RPL39L: variants seen among roughly 807,000 people sequenced by gnomAD.
RPL39L encodes the protein ribosomal protein L39 like.
For synonymous variants in RPL39L, 16 were observed against 20.1 expected (o/e 0.80, Z 0.55); for missense variants, 48 against 58.9 (o/e 0.81, Z 0.61).
At chr3:187,124,484 T>C (rs1720365727) in intron 2 of RPL39L, among the ~76,000 whole-genome samples, 1 of 152,214 alleles carries the variant, frequency 6.6e-6, no homozygotes, top group Non-Finnish European at 1.5e-5. Context: ...TACTTGGCCA[T>C]TTAACTGGCG....
In RPL39L at chr3:187,135,942, T is replaced by C. The variant is rs1046768860; in HGVS notation, c.-93+3271A>G. ...AGAGATGCCAGGTTCTTTTGAACAATTGGCACTCATGTGAACTAACAGACT... is the reference window on the plus strand; with the variant it reads ...AGAGATGCCAGGTTCTTTTGAACAACTGGCACTCATGTGAACTAACAGACT... On this transcript the variant is annotated intron_variant, in intron 1 of 2. Coordinates refer to ENST00000296277, the MANE Select transcript of RPL39L (RefSeq NM_052969.3). 1.1e-4 allele frequency among the ~76,000 whole-genome samples: 16 copies of C among 152,332 alleles called. 1 individual carries two copies. The highest frequency in any genetic ancestry group is 4.1e-4 in the South Asian group (2 of 4,832).
chr3:187,130,376 C>T (rs892670173), intron 1 of RPL39L, among the ~76,000 whole-genome samples: 10 of 152,214 alleles, frequency 6.6e-5, no homozygotes, highest in African/African-American at 2.4e-4. Flanking sequence ...TTGTAATCCC[C>T]AATGCTGGAG....
At chr3:187,124,159 A>G (rs180968753) in intron 2 of RPL39L, among the ~76,000 whole-genome samples, 259 of 152,308 alleles carry the variant, frequency 1.7e-3, no homozygotes, top group Non-Finnish European at 3.2e-3. Context: ...GACCTCAAGG[A>G]GTTCAATTTT....
chr3:187,137,255 C>A (rs1427037113), intron 1 of RPL39L, among the ~76,000 whole-genome samples: 1 of 144,720 alleles, frequency 6.9e-6, no homozygotes, highest in Non-Finnish European at 1.5e-5. Flanking sequence ...CACCTGTAAT[C>A]CCAGCATTTT....
chr3:187,135,901 C>T (rs151225206), intron 1 of RPL39L, among the ~76,000 whole-genome samples: 2 of 152,320 alleles, frequency 1.3e-5, no homozygotes, highest in African/African-American at 4.8e-5. Flanking sequence ...TGCCGCATGG[C>T]GAGAGACAGA....
chr3:187,125,606 G>C (rs1259917565), intron 2 of RPL39L, among the ~76,000 whole-genome samples: 1 of 151,476 alleles, frequency 6.6e-6, no homozygotes, highest in Admixed American at 6.6e-5. Context: ...GTTACAGTGA[G>C]ATACTAGATC....
chr3:187,135,102 A>G (rs1720551718), intron 1 of RPL39L, among the ~76,000 whole-genome samples: 1 of 152,244 alleles, frequency 6.6e-6, no homozygotes, highest in Non-Finnish European at 1.5e-5. Context: ...AAGAAATTAC[A>G]TGGCTGTGTG....
intron 2 of RPL39L, among the ~76,000 whole-genome samples, chr3:187,127,459 GTTAC>G (rs1720417716): frequency 6.6e-6 from 1 of 152,212 alleles, no homozygotes; most frequent in African/African-American, 2.4e-5. Flanking sequence ...GAGAAGGGCT[GTTAC>G]TTAGAAGCAA....
chr3:187,128,885 C>T (rs543306596), intron 1 of RPL39L, among the ~76,000 whole-genome samples: 107 of 152,300 alleles, frequency 7.0e-4, no homozygotes, highest in African/African-American at 2.0e-3. Context: ...ATACGTCCAA[C>T]GTCCATTTAT....
Position 187,127,671 on chromosome 3 carries a change from C to T in RPL39L, c.-29+328G>A, listed in dbSNP as rs115821196. ...AATCCTGTCTACCATCATCCCACCA[C>T]CTTCATTTATAATCAGTGCCTAAAG... On this transcript the variant is annotated intron_variant, in intron 2 of 2. Coordinates refer to ENST00000296277, the MANE Select transcript of RPL39L (RefSeq NM_052969.3). 7.2e-3 allele frequency among the ~76,000 whole-genome samples: 1,101 copies of T among 152,314 alleles called. 10 individuals are homozygous for T. The highest frequency in any genetic ancestry group is 0.025 in the African/African-American group (1,051 of 41,560).
chr3:187,125,399 G>GTAAC (rs1459531098), intron 2 of RPL39L, among the ~76,000 whole-genome samples: 2 of 152,146 alleles, frequency 1.3e-5, no homozygotes, highest in African/African-American at 4.8e-5. Context: ...AACTTGCCTT[G>GTAAC]TAACTTAAGA....
chr3:187,134,518 C>CAAAAAAAAAAAAAAAAAAA (rs1720542217), intron 1 of RPL39L, among the ~76,000 whole-genome samples: 1 of 139,276 alleles, frequency 7.2e-6, no homozygotes, highest in African/African-American at 3.1e-5. Flanking sequence ...CACAAATTAC[C>CAAAAAAAAAAAAAAAAAAA]AACATCTGCA....
chr3:187,135,492 T>C (rs1370588982), intron 1 of RPL39L, among the ~76,000 whole-genome samples: 1 of 152,214 alleles, frequency 6.6e-6, no homozygotes, highest in Non-Finnish European at 1.5e-5. Flanking sequence ...GTCATCCATG[T>C]AAGATGTGAC....
chr3:187,138,207 A>G (rs1720618429), intron 1 of RPL39L, among the ~76,000 whole-genome samples: 2 of 152,054 alleles, frequency 1.3e-5, no homozygotes, highest in African/African-American at 4.8e-5. Context: ...GGCCAGGCCC[A>G]GTGCAAAATG....
chr3:187,123,331 C>T (rs2108467036), intron 2 of RPL39L, among the ~76,000 whole-genome samples: 1 of 152,254 alleles, frequency 6.6e-6, no homozygotes, highest in Middle Eastern at 3.4e-3. Flanking sequence ...TTGTAGGAGT[C>T]TACAGGTTAC....
intron 2 of RPL39L, among the ~76,000 whole-genome samples, chr3:187,125,517 C>G (rs1720382381): frequency 2.0e-5 from 3 of 152,038 alleles, no homozygotes; most frequent in Admixed American, 2.0e-4. Flanking sequence ...TCGCTGCACT[C>G]AGACAAGAAG....
chr3:187,121,400 T>C (rs1401454899), intron 2 of RPL39L, 72 bp from the exon 3 acceptor site: 3 of 1,424,432 alleles, frequency 2.1e-6, no homozygotes, highest in Non-Finnish European at 1.9e-6. Flanking sequence ...CATGAAGAAA[T>C]AACAAGACAA....
chr3:187,121,427 T>C (rs16861629), intron 2 of RPL39L, 99 bp from the exon 3 acceptor site: 9 of 1,239,518 alleles, frequency 7.3e-6, no homozygotes, highest in Non-Finnish European at 1.0e-5. Flanking sequence ...GGATCTTTAG[T>C]GCCACAGCGA....
At chr3:187,130,952 T>C (rs991827332) in intron 1 of RPL39L, among the ~76,000 whole-genome samples, 1 of 152,250 alleles carries the variant, frequency 6.6e-6, no homozygotes. Flanking sequence ...CTGTATTTCA[T>C]GCTGTTTGTT....
Sources: allele counts gnomAD v4.1 joint callset (sites outside exome capture counted in the v4.1 genomes callset), GRCh38; gene constraint gnomAD v4.1.1; transcripts MANE v1.5; gene names NCBI Gene and HGNC (gene_info 2026-07-23, HGNC 2026-07-21).